The following UGP2 variants were observed in gnomAD, a reference collection of about 807,000 sequenced individuals.
UGP2 encodes UTP--glucose-1-phosphate uridylyltransferase.
A neutral mutation model predicts 49.0 loss-of-function variants in UGP2; 40 were observed. That is an observed-to-expected ratio of 0.82 (90% CI 0.63 to 1.06). The LOEUF is 1.06. UGP2 is among the 50% of genes least tolerant of loss of function. UGP2 has a pLI of 0.00. For missense variants in UGP2, 460 were observed against 603.5 expected (o/e 0.76, Z 2.49); for synonymous variants, 225 against 213.0 (o/e 1.06, Z -0.49).
chr2:63,887,604 C>G lies in UGP2; in HGVS notation c.1274C>G (p.Pro425Arg), dbSNP rs754398362. 4 of 1,613,972 alleles carry G rather than the reference C, an allele frequency of 2.5e-6. No homozygotes were observed. Among genetic ancestry groups the G allele is most frequent in the Non-Finnish European group, 3.4e-6 (4 of 1,179,986 alleles). Residue 425 changes from proline (P) to arginine (R), a missense_variant, in exon 8 of 10, where the codon CCT becomes CGT. By Grantham distance (103) the Pro-to-Arg change is moderately radical. Coordinates refer to ENST00000337130, the MANE Select transcript of UGP2 (RefSeq NM_006759.4). ...ACAATGAGTGAAAAGCGGGAATTTCCTACAGTGCCCTTGGTTAAATTAGGC... is the reference window on the plus strand; with the variant it reads ...ACAATGAGTGAAAAGCGGGAATTTCGTACAGTGCCCTTGGTTAAATTAGGC... ...SLTMSEKREFPTVPLVKLGSS... is the reference protein window; with the variant it reads ...SLTMSEKREFRTVPLVKLGSS...
chr2:63,884,410 A>G lies in UGP2; in HGVS notation c.575+317A>G, dbSNP rs192528937. On this transcript the variant is annotated intron_variant, in intron 5 of 9. Transcript: ENST00000337130. ...TCTGTGAAAATCTTTTTATATTCCTACATTATTGATAACCTTTCCTATGGA... is the reference window on the plus strand; with the variant it reads ...TCTGTGAAAATCTTTTTATATTCCTGCATTATTGATAACCTTTCCTATGGA... 5.3e-5 allele frequency among the ~76,000 whole-genome samples: 8 copies of G among 152,254 alleles called. No individual in the cohort carries two copies. The East Asian group carries it at 9.6e-4, about 18-fold the overall frequency.
intron 8 of UGP2, chr2:63,889,209 G>A (rs1163964198): frequency 6.6e-6 from 1 of 152,120 alleles, no homozygotes; most frequent in Non-Finnish European, 1.5e-5. Flanking sequence ...AGGAATTGGA[G>A]ATATGAATAT....
chr2:63,866,072 T>G (rs1670165617), intron 3 of UGP2, among the ~76,000 whole-genome samples: 1 of 152,220 alleles, frequency 6.6e-6, no homozygotes, highest in African/African-American at 2.4e-5. Context: ...AAATGTTGAA[T>G]AGGTGTGACA....
intron 4 of UGP2, 143 bp downstream of exon 4, chr2:63,882,794 A>T (rs979772514): frequency 9.9e-6 from 9 of 909,348 alleles, no homozygotes; most frequent in Non-Finnish European, 1.4e-5. Flanking sequence ...GGTGGAAAAA[A>T]GGTTTAGTGT....
chr2:63,851,397 G>T (rs1453051815), intron 1 of UGP2, among the ~76,000 whole-genome samples: 1 of 152,138 alleles, frequency 6.6e-6, no homozygotes, highest in Non-Finnish European at 1.5e-5. Context: ...TACAGAGACA[G>T]GAGTGATTAA....
chr2:63,860,133 T>C (rs1669732669), intron 3 of UGP2, among the ~76,000 whole-genome samples: 1 of 152,194 alleles, frequency 6.6e-6, no homozygotes, highest in African/African-American at 2.4e-5. Context: ...ATAGGTCTTT[T>C]TTTAAAAAAA....
At chr2:63,860,997 G>GT (rs1669802128) in intron 3 of UGP2, among the ~76,000 whole-genome samples, 1 of 151,964 alleles carries the variant, frequency 6.6e-6, no homozygotes, top group Non-Finnish European at 1.5e-5. Context: ...CTCTCAGTGA[G>GT]TACATAGATG....
intron 3 of UGP2, among the ~76,000 whole-genome samples, chr2:63,860,121 A>G (rs959243481): frequency 6.6e-6 from 1 of 152,202 alleles, no homozygotes; most frequent in African/African-American, 2.4e-5. Context: ...TTAAAAGTGA[A>G]CATAGGTCTT....
intron 2 of UGP2, chr2:63,856,718 A>G (rs1465334398): frequency 2.0e-6 from 1 of 491,224 alleles, no homozygotes; most frequent in Non-Finnish European, 4.0e-6. Flanking sequence ...CATTGGGTGG[A>G]GAAATGCATA....
intron 3 of UGP2, among the ~76,000 whole-genome samples, chr2:63,864,663 G>A (rs188141642): frequency 2.0e-5 from 3 of 152,300 alleles, no homozygotes; most frequent in Admixed American, 1.3e-4. Flanking sequence ...TCACTATGAT[G>A]TATTGTAGAA....
At chr2:63,847,229 C>T (rs1671996775) in intron 1 of UGP2, among the ~76,000 whole-genome samples, 1 of 152,078 alleles carries the variant, frequency 6.6e-6, no homozygotes, top group African/African-American at 2.4e-5. Flanking sequence ...AAAGGAAATT[C>T]AGGTGTTATT....
chr2:63,889,252 CAG>C (rs920047140), intron 8 of UGP2: 5 of 150,082 alleles, frequency 3.3e-5, no homozygotes, highest in East Asian at 1.9e-4. Context: ...TAAAGAGAAA[CAG>C]AGAAATGGGG....
chr2:63,886,867 A>G (rs913445195), intron 7 of UGP2, among the ~76,000 whole-genome samples: 1 of 152,178 alleles, frequency 6.6e-6, no homozygotes, highest in African/African-American at 2.4e-5. Flanking sequence ...TTCTGAACCT[A>G]TGGTTTATCA....
chr2:63,891,261 C>T lies in UGP2; in HGVS notation c.*34C>T. On this transcript the variant is annotated 3_prime_UTR_variant, in exon 10 of 10. Transcript: ENST00000337130. ...ATACTGTGGACACTTAAATAATGGG[C>T]TAGTTTCTTACAATGAAATGTTCTC... The T allele has an allele frequency of 6.5e-7, 1 of 1,543,100 alleles. No homozygotes were observed.
chr2:63,849,022 A>G (rs1000289339), intron 1 of UGP2, among the ~76,000 whole-genome samples: 3 of 152,228 alleles, frequency 2.0e-5, no homozygotes, highest in Non-Finnish European at 4.4e-5. Context: ...GAAATTGGCT[A>G]TGTTGTCTCG....
intron 1 of UGP2, among the ~76,000 whole-genome samples, chr2:63,846,809 A>T (rs955233663): frequency 4.6e-5 from 7 of 152,208 alleles, no homozygotes; most frequent in African/African-American, 1.4e-4. Context: ...TAGCACAGGG[A>T]TAGTGGCATG....
chr2:63,859,908 A>G (rs1040386324), intron 3 of UGP2, among the ~76,000 whole-genome samples: 4 of 152,202 alleles, frequency 2.6e-5, no homozygotes, highest in Non-Finnish European at 4.4e-5. Flanking sequence ...GAGGGCACAA[A>G]TGTGTTTTAT....
intron 5 of UGP2, 87 bp downstream of exon 5, chr2:63,884,180 G>A (rs1302249630): frequency 8.8e-6 from 13 of 1,478,408 alleles, no homozygotes; most frequent in Non-Finnish European, 1.1e-5. Context: ...GTTTCAAGAT[G>A]TACAGGTACC....
chr2:63,855,220 G>A lies in UGP2; in HGVS notation c.20-1086G>A, dbSNP rs531453186. On this transcript the variant is annotated intron_variant, in intron 1 of 9. Transcript: ENST00000337130. The stretch of plus-strand genomic sequence containing the variant: ...TCAAATATAAGTGAAAGAATTTATA[G>A]TAGGTGGAGTATATAAGGGGAAAGA... Among the ~76,000 whole-genome samples the A allele has an allele frequency of 2.6e-5, 4 of 152,310 alleles. No homozygotes were observed. The South Asian group carries it at 8.3e-4, about 32-fold the overall frequency.
Sources: gnomAD v4.1 joint callset for allele counts (sites outside exome capture counted in the v4.1 genomes callset) on GRCh38, gnomAD v4.1.1 for gene constraint, MANE v1.5 for transcripts, NCBI Gene and HGNC (gene_info 2026-07-23, HGNC 2026-07-21) for gene names.